Variants in ATP11B observed in about 807,000 individuals in gnomAD.
ATP11B encodes phospholipid-transporting ATPase IF.
In ATP11B, 81 loss-of-function variants were observed where a neutral mutation model predicts 157.8. That is an observed-to-expected ratio of 0.51 (90% CI 0.43 to 0.62). The LOEUF (loss-of-function observed/expected upper bound fraction) is 0.62, where lower values mean the gene tolerates loss of function less well. Ranked by LOEUF, ATP11B falls within the 20% of genes least tolerant of loss-of-function variation. The pLI, the probability that ATP11B is intolerant of heterozygous loss-of-function variation, is 0.00. For synonymous variants in ATP11B, 451 were observed against 469.4 expected (o/e 0.96, Z 0.51); for missense variants, 1,165 against 1,402.2 (o/e 0.83, Z 2.70).
intron 17 of ATP11B, among the ~76,000 whole-genome samples, chr3:182,870,364 T>C (rs1036344201): frequency 5.3e-5 from 8 of 152,224 alleles, no homozygotes; most frequent in African/African-American, 1.9e-4. Flanking sequence ...TCTGTGAATG[T>C]GTGCTCCACA....
chr3:182,849,508 A>G (rs1560085382), intron 10 of ATP11B, among the ~76,000 whole-genome samples: 1 of 152,240 alleles, frequency 6.6e-6, no homozygotes, highest in South Asian at 2.1e-4. Flanking sequence ...AGCAGATATT[A>G]TAAATTTATT....
chr3:182,916,965 C>T (rs1182608808), intron 29 of ATP11B: 24 of 982,478 alleles, frequency 2.4e-5, no homozygotes, highest in Non-Finnish European at 2.8e-5. Context: ...ATACTGGGTG[C>T]CCAATATATG....
At chr3:182,891,111 A>G (rs1439768630) in intron 25 of ATP11B, among the ~76,000 whole-genome samples, 1 of 152,248 alleles carries the variant, frequency 6.6e-6, no homozygotes, top group African/African-American at 2.4e-5. Flanking sequence ...GCCCTTCTGC[A>G]CAGTCTTACC....
In ATP11B at chr3:182,918,281, A is replaced by G. The variant is rs966330356; in HGVS notation, c.*177A>G. 4 of 754,434 alleles carry G rather than the reference A, an allele frequency of 5.3e-6. No individual in the cohort carries two copies. Among genetic ancestry groups the G allele is most frequent in the African/African-American group, 3.6e-5 (2 of 55,716 alleles). 46.7% of individuals were successfully genotyped at this position (754,434 alleles called of 1,614,324 possible). A position where few individuals can be genotyped will look rare whatever the true frequency, so the allele number is the denominator to read the frequency against. On this transcript the variant is annotated 3_prime_UTR_variant, in exon 30 of 30. Coordinates refer to ENST00000323116, the MANE Select transcript of ATP11B (RefSeq NM_014616.3). ...AAAGCATTAGTACAAGCCCCTCCCA[A>G]CACCCTTAATTTGAATCTGAACATG...
Position 182,800,465 on chromosome 3 carries a change from C to T in ATP11B, c.27+6679C>T, listed in dbSNP as rs560668896. ...CTGGTCTCAGACTCCTGGACTCAAG[C>T]GATCCTCCTGTCTCAGCCTCCCAAA... On this transcript the variant is annotated intron_variant, in intron 1 of 29. Transcript: ENST00000323116. Among the ~76,000 whole-genome samples, 16 of 152,002 alleles carry T rather than the reference C, an allele frequency of 1.1e-4. No individual in the cohort carries two copies. The East Asian group carries it at 2.3e-3, about 22-fold the overall frequency.
At chr3:182,799,338 C>G (rs1007791394) in intron 1 of ATP11B, among the ~76,000 whole-genome samples, 1 of 150,314 alleles carries the variant, frequency 6.7e-6, no homozygotes, top group Non-Finnish European at 1.5e-5. Context: ...AGTGCAGTTG[C>G]GCGATCTCAG....
At chr3:182,914,783 A>G in intron 29 of ATP11B, 1 of 985,376 alleles carries the variant, frequency 1.0e-6, no homozygotes. Context: ...TTATTCATAC[A>G]TTTCCCCAAG....
chr3:182,801,964 CTG>C (rs1716040194), intron 1 of ATP11B, among the ~76,000 whole-genome samples: 1 of 152,120 alleles, frequency 6.6e-6, no homozygotes, highest in African/African-American at 2.4e-5. Flanking sequence ...ATGGATACCT[CTG>C]TGGGGAGAAG....
chr3:182,830,603 A>G (rs1430371729), intron 4 of ATP11B, among the ~76,000 whole-genome samples: 1 of 152,222 alleles, frequency 6.6e-6, no homozygotes. Flanking sequence ...GAATTAACTG[A>G]ATTTTCTCAG....
rs1034877667 is a variant in ATP11B at position 182,920,150 on chromosome 3, C to G, written c.*2046C>G. On this transcript the variant is annotated 3_prime_UTR_variant, in exon 30 of 30. Transcript: ENST00000323116. ...AAAGACTCCAAAGTCATAAAATAGCCTATGACCAACTGCAGCAAGACAGGA... is the reference window on the plus strand; with the variant it reads ...AAAGACTCCAAAGTCATAAAATAGCGTATGACCAACTGCAGCAAGACAGGA... 13 of 152,138 alleles carry G rather than the reference C, an allele frequency of 8.5e-5. No individual in the cohort carries two copies. The highest frequency in any genetic ancestry group is 3.1e-4 in the African/African-American group (13 of 41,426). 9.4% of individuals were successfully genotyped at this position (152,138 alleles called of 1,614,324 possible). A position where few individuals can be genotyped will look rare whatever the true frequency, so the allele number is the denominator to read the frequency against.
chr3:182,857,918 A>G lies in ATP11B; in HGVS notation c.892A>G (p.Ile298Val), dbSNP rs780195900. ...TFLIIYLVIL[I>V]SEAVISTILK... ...TTTGATAATTTATCTAGTAATTCTT[A>G]TATCTGAAGCTGTCATCAGCACTAT... Residue 298 changes from isoleucine (I) to valine (V), a missense_variant, in exon 11 of 30, where the codon ATA becomes GTA. By Grantham distance (29) the Ile-to-Val change is conservative. Coordinates refer to ENST00000323116, the MANE Select transcript of ATP11B (RefSeq NM_014616.3). 7 of 1,566,176 alleles carry G rather than the reference A, an allele frequency of 4.5e-6. No individual in the cohort carries two copies. The highest frequency in any genetic ancestry group is 2.2e-5 in the East Asian group (1 of 44,502).
chr3:182,858,178 A>T (rs1720567445), intron 11 of ATP11B, 150 bp downstream of exon 11: 1 of 632,828 alleles, frequency 1.6e-6, no homozygotes, highest in Non-Finnish European at 2.6e-6. Flanking sequence ...AAATGCAGAG[A>T]AGCCAGCGTG....
intron 1 of ATP11B, among the ~76,000 whole-genome samples, chr3:182,816,519 G>A (rs1245272405): frequency 6.6e-6 from 1 of 152,178 alleles, no homozygotes; most frequent in East Asian, 1.9e-4. Context: ...TAGAAATAGT[G>A]TGAAACTATG....
At chr3:182,851,514 C>T (rs957917451) in intron 10 of ATP11B, among the ~76,000 whole-genome samples, 1 of 152,008 alleles carries the variant, frequency 6.6e-6, no homozygotes, top group Non-Finnish European at 1.5e-5. Context: ...ACATAAACAG[C>T]ACAAAAGATG....
intron 1 of ATP11B, among the ~76,000 whole-genome samples, chr3:182,796,718 A>G (rs1160032772): frequency 1.3e-5 from 2 of 152,256 alleles, no homozygotes; most frequent in South Asian, 2.1e-4. Flanking sequence ...CATACTCTAC[A>G]TAAGTAGACA....
chr3:182,843,426 G>A (rs1025540520), intron 8 of ATP11B: 4 of 152,196 alleles, frequency 2.6e-5, no homozygotes, highest in Admixed American at 6.5e-5. Flanking sequence ...TCTAGAATAT[G>A]AAAAATGTTT....
chr3:182,800,226 A>G (rs964511737), intron 1 of ATP11B, among the ~76,000 whole-genome samples: 2 of 152,010 alleles, frequency 1.3e-5, no homozygotes, highest in African/African-American at 2.4e-5. Context: ...AATTATATAT[A>G]TAATTTTTTT....
chr3:182,875,921 C>T (rs993012775), intron 19 of ATP11B, among the ~76,000 whole-genome samples: 1 of 152,150 alleles, frequency 6.6e-6, no homozygotes, highest in African/African-American at 2.4e-5. Context: ...ATTAATTGCT[C>T]AGAATCATTT....
intron 10 of ATP11B, among the ~76,000 whole-genome samples, chr3:182,857,245 A>G (rs762678636): frequency 2.0e-5 from 3 of 152,198 alleles, no homozygotes; most frequent in Non-Finnish European, 4.4e-5. Context: ...TCCCGAGTTC[A>G]TGCCATTCTC....
Sources: gnomAD v4.1 joint callset for allele counts (sites outside exome capture counted in the v4.1 genomes callset) on GRCh38, gnomAD v4.1.1 for gene constraint, MANE v1.5 for transcripts, NCBI Gene and HGNC (gene_info 2026-07-23, HGNC 2026-07-21) for gene names.